DPP10: variants seen among roughly 807,000 people sequenced by gnomAD.
The protein encoded by DPP10 is inactive dipeptidyl peptidase 10.
A neutral mutation model predicts 120.9 loss-of-function variants in DPP10; 33 were observed. That is an observed-to-expected ratio of 0.27 (90% CI 0.21 to 0.37). DPP10 has a LOEUF of 0.37. Among genes scored for constraint, DPP10 ranks in the 10% least tolerant of loss-of-function variants. DPP10 has a pLI of 1.00. For missense variants in DPP10, 816 were observed against 942.8 expected, an observed-to-expected ratio of 0.87 and a Z score of 1.76; for synonymous variants, 337 against 326.1, an observed-to-expected ratio of 1.03 and a Z score of -0.36.
chr2:115,188,434 C>T (rs550852394), intron 1 of DPP10, among the ~76,000 whole-genome samples: 1 of 152,174 alleles, frequency 6.6e-6, no homozygotes, highest in Admixed American at 6.5e-5. Context: ...GGTAAATTTT[C>T]ACGGAAATTA....
chr2:115,166,556 ATT>A (rs2052884525), intron 1 of DPP10, among the ~76,000 whole-genome samples: 2 of 146,478 alleles, frequency 1.4e-5, no homozygotes, highest in South Asian at 4.2e-4. Flanking sequence ...ATAAATATAT[ATT>A]ATATAAATTT....
At chr2:115,415,841 T>TTATATATATATATATATATA (rs70941057) in intron 3 of DPP10, among the ~76,000 whole-genome samples, 35 of 74,272 alleles carry the variant, frequency 4.7e-4, no homozygotes, top group Non-Finnish European at 7.2e-4. Flanking sequence ...TGATTTGCTT[T>TTATATATATATATATATATA]TATATATATA....
intron 1 of DPP10, among the ~76,000 whole-genome samples, chr2:114,771,613 T>C (rs1681259664): frequency 6.6e-6 from 1 of 152,172 alleles, no homozygotes; most frequent in Non-Finnish European, 1.5e-5. Context: ...ATAGCACCCA[T>C]AGGTGAATAG....
chr2:114,564,447 T>C (rs60683895), intron 1 of DPP10, among the ~76,000 whole-genome samples: 6,599 of 152,222 alleles, frequency 0.043, 423 homozygotes, highest in East Asian at 0.22. Context: ...GCAAAGCACC[T>C]ACTCTTCCCC....
intron 1 of DPP10, among the ~76,000 whole-genome samples, chr2:115,304,658 C>T (rs1559393346): frequency 6.6e-6 from 1 of 151,804 alleles, no homozygotes; most frequent in Admixed American, 6.6e-5. Context: ...TTGACGTTTT[C>T]CAAAGGAAAG....
At chr2:115,706,439 T>C (rs10208556) in intron 7 of DPP10, among the ~76,000 whole-genome samples, 8,021 of 151,996 alleles carry the variant, frequency 0.053, 709 homozygotes, top group African/African-American at 0.18. Context: ...ATCAAAATCA[T>C]GGGATTGTAG....
At chr2:115,546,708 A>T (rs998511772) in intron 5 of DPP10, among the ~76,000 whole-genome samples, 8 of 152,120 alleles carry the variant, frequency 5.3e-5, no homozygotes, top group Non-Finnish European at 1.2e-4. Flanking sequence ...TTCTTTGCAG[A>T]TAGTCAAGAG....
chr2:115,187,181 C>T (rs1372896604), intron 1 of DPP10, among the ~76,000 whole-genome samples: 4 of 149,982 alleles, frequency 2.7e-5, no homozygotes, highest in Non-Finnish European at 4.4e-5. Flanking sequence ...CGACTACAGG[C>T]GCCCGCCACC....
chr2:115,198,870 C>T (rs181187282), intron 1 of DPP10, among the ~76,000 whole-genome samples: 1 of 152,168 alleles, frequency 6.6e-6, no homozygotes, highest in Non-Finnish European at 1.5e-5. Flanking sequence ...TATTGCCTCT[C>T]AAGAAGTAGA....
chr2:114,546,258 A>G (rs1281566535), intron 1 of DPP10, among the ~76,000 whole-genome samples: 1 of 152,168 alleles, frequency 6.6e-6, no homozygotes. Flanking sequence ...GAAAGCTTCC[A>G]ATCATGGCAG....
chr2:114,500,446 G>T (rs1296531774), intron 1 of DPP10, among the ~76,000 whole-genome samples: 1 of 152,116 alleles, frequency 6.6e-6, no homozygotes, highest in African/African-American at 2.4e-5. Context: ...GTTAAGTATT[G>T]GAAAGCCTTG....
chr2:114,771,220 A>T (rs1681218746), intron 1 of DPP10, among the ~76,000 whole-genome samples: 1 of 152,206 alleles, frequency 6.6e-6, no homozygotes, highest in South Asian at 2.1e-4. Flanking sequence ...AACTTGCTAC[A>T]TTCTGAAATC....
In DPP10 at chr2:114,495,767, A is replaced by G. The variant is rs539087220; in HGVS notation, c.60+52929A>G. Among the ~76,000 whole-genome samples, 52 of 152,314 alleles carry G rather than the reference A, an allele frequency of 3.4e-4. 1 individual carries two copies. Among genetic ancestry groups the G allele is most frequent in the Non-Finnish European group, 1.5e-4 (10 of 68,024 alleles). On this transcript the variant is annotated intron_variant, in intron 1 of 25. Transcript: ENST00000410059. ...TAATTAGCAGCTGGAGGATAAATGC[A>G]AAGAAGCTTCTTGAGTGTCTAGATA...
At chr2:114,991,678 G>T (rs567586758) in intron 1 of DPP10, among the ~76,000 whole-genome samples, 1 of 152,264 alleles carries the variant, frequency 6.6e-6, no homozygotes, top group African/African-American at 2.4e-5. Context: ...CAAAGTATTT[G>T]GGACTAGAAT....
chr2:114,723,535 A>G (rs1701841755), intron 1 of DPP10, among the ~76,000 whole-genome samples: 1 of 152,228 alleles, frequency 6.6e-6, no homozygotes, highest in African/African-American at 2.4e-5. Flanking sequence ...AGAAAAGTAA[A>G]GAGTTCATTG....
At chr2:114,493,423 A>G (rs1225538605) in intron 1 of DPP10, among the ~76,000 whole-genome samples, 1 of 152,184 alleles carries the variant, frequency 6.6e-6, no homozygotes, top group Non-Finnish European at 1.5e-5. Context: ...CTTGTGCAGC[A>G]GGTGGCGTCA....
At chr2:114,945,510 C>T (rs781095094) in intron 1 of DPP10, among the ~76,000 whole-genome samples, 1 of 152,008 alleles carries the variant, frequency 6.6e-6, no homozygotes, top group East Asian at 1.9e-4. Flanking sequence ...TGGAAAATTG[C>T]AAATTAAAAC....
intron 1 of DPP10, among the ~76,000 whole-genome samples, chr2:115,124,608 C>G (rs2049982582): frequency 6.6e-6 from 1 of 152,174 alleles, no homozygotes; most frequent in South Asian, 2.1e-4. Context: ...TGTGACCACT[C>G]AAGACAAGAT....
At chr2:114,535,432 T>C (rs924174190) in intron 1 of DPP10, among the ~76,000 whole-genome samples, 3 of 152,220 alleles carry the variant, frequency 2.0e-5, no homozygotes, top group African/African-American at 7.2e-5. Flanking sequence ...TTTCCTTTTT[T>C]CCCTCTAGGT....
Sources: gnomAD v4.1 joint callset for allele counts (sites outside exome capture counted in the v4.1 genomes callset) on GRCh38, gnomAD v4.1.1 for gene constraint, MANE v1.5 for transcripts, NCBI Gene and HGNC (gene_info 2026-07-23, HGNC 2026-07-21) for gene names.